ERC1: variants seen among roughly 807,000 people sequenced by gnomAD.
ERC1 encodes ELKS/RAB6-interacting/CAST family member 1.
A neutral mutation model predicts 132.0 loss-of-function variants in ERC1; 56 were observed. That is an observed-to-expected ratio of 0.42 (90% CI 0.34 to 0.53). ERC1 has a LOEUF of 0.53. Among genes scored for constraint, ERC1 ranks in the 20% least tolerant of loss-of-function variants. The probability of loss-of-function intolerance (pLI) is 0.03; values close to 1 mark genes in which losing one functional copy is unlikely to be tolerated. For synonymous variants in ERC1, 478 were observed against 476.1 expected, an observed-to-expected ratio of 1.00 and a Z score of -0.05; for missense variants, 1,202 against 1,349.9, an observed-to-expected ratio of 0.89 and a Z score of 1.72.
chr12:1,224,749 G>A (rs982446203), intron 12 of ERC1, among the ~76,000 whole-genome samples: 6 of 152,184 alleles, frequency 3.9e-5, no homozygotes, highest in Non-Finnish European at 7.3e-5. Context: ...GGGAGGCTGA[G>A]GCTGGAGGAT....
chr12:1,273,475 T>C (rs2078024664), intron 14 of ERC1, among the ~76,000 whole-genome samples: 1 of 152,210 alleles, frequency 6.6e-6, no homozygotes, highest in African/African-American at 2.4e-5. Context: ...CAAGTGCTTA[T>C]TGGCTTCTGA....
rs202137274 is a variant in ERC1 at position 1,376,492 on chromosome 12, C to T, written c.2925+4515C>T. On this transcript the variant is annotated intron_variant, in intron 16 of 18. Transcript: ENST00000360905. ...AGAGCAGTGACAATAATGGCCACCA[C>T]GTGCCACTTGACTGTCGTGCGCAGG... Among the ~76,000 whole-genome samples, 18 of 152,350 alleles carry T rather than the reference C, an allele frequency of 1.2e-4. No individual in the cohort carries two copies. In the East Asian group the frequency reaches 3.3e-3, roughly 28 times the overall value.
intron 1 of ERC1, among the ~76,000 whole-genome samples, chr12:1,010,008 CT>C (rs1285984591): frequency 6.6e-6 from 1 of 152,162 alleles, no homozygotes; most frequent in Non-Finnish European, 1.5e-5. Flanking sequence ...GCTTGAATCT[CT>C]TTGGATACTT....
intron 2 of ERC1, among the ~76,000 whole-genome samples, chr12:1,053,025 T>G (rs1972308349): frequency 6.6e-6 from 1 of 152,152 alleles, no homozygotes. Flanking sequence ...TCTGTTTGAA[T>G]AGTTTATTTG....
At chr12:1,463,697 C>CTGTGTGTGTG (rs57210462) in intron 18 of ERC1, among the ~76,000 whole-genome samples, 3,625 of 136,052 alleles carry the variant, frequency 0.027, 146 homozygotes, top group African/African-American at 0.082. Flanking sequence ...GGTGCTAAGA[C>CTGTGTGTGTG]TGTGTGTGTG....
intron 14 of ERC1, among the ~76,000 whole-genome samples, chr12:1,284,243 CT>C (rs1277373778): frequency 2.0e-5 from 3 of 147,160 alleles, no homozygotes; most frequent in African/African-American, 7.5e-5. Context: ...GGATTTCATT[CT>C]TTTTATGGCT....
chr12:1,029,351 GAAA>G (rs1251538511), intron 2 of ERC1, among the ~76,000 whole-genome samples: 6 of 151,382 alleles, frequency 4.0e-5, no homozygotes, highest in Admixed American at 2.6e-4. Flanking sequence ...TCTCAAAAAA[GAAA>G]AAAAAGTTAA....
At chr12:1,223,698 T>C (rs1252551603) in intron 12 of ERC1, among the ~76,000 whole-genome samples, 1 of 152,222 alleles carries the variant, frequency 6.6e-6, no homozygotes, top group Non-Finnish European at 1.5e-5. Context: ...AAATCTTTTA[T>C]TCATCATTTC....
chr12:1,233,805 T>C (rs2154301234), intron 12 of ERC1, among the ~76,000 whole-genome samples: 1 of 152,276 alleles, frequency 6.6e-6, no homozygotes, highest in South Asian at 2.1e-4. Flanking sequence ...TCTAGATTAG[T>C]AGGGATTTGA....
At chr12:1,096,989 T>A (rs1340886954) in intron 3 of ERC1, among the ~76,000 whole-genome samples, 1 of 152,240 alleles carries the variant, frequency 6.6e-6, no homozygotes, top group Non-Finnish European at 1.5e-5. Flanking sequence ...TATGTTAAAT[T>A]AATATCATTC....
intron 18 of ERC1, 98 bp from the exon 19 acceptor site, chr12:1,489,995 A>T (rs765991808): frequency 6.0e-6 from 8 of 1,330,508 alleles, no homozygotes; most frequent in Middle Eastern, 1.9e-4. Context: ...GAGACTTCAC[A>T]TACAGAGTGC....
chr12:1,347,384 TACA>T lies in ERC1; in HGVS notation c.2781-24445_2781-24443del, dbSNP rs1260441597. 5.3e-5 allele frequency among the ~76,000 whole-genome samples: 8 copies of T among 152,354 alleles called. No individual in the cohort carries two copies. The East Asian group carries it at 1.2e-3, about 22-fold the overall frequency. Reference sequence around the variant, plus strand: ...ATAAAAATTGTGTATGTCCATCATGTACAACATGATGTTTTGAAATATGTATAT... The same window carrying T: ...ATAAAAATTGTGTATGTCCATCATGTACATGATGTTTTGAAATATGTATAT... On this transcript the variant is annotated intron_variant, in intron 15 of 18. Coordinates refer to ENST00000360905, the MANE Select transcript of ERC1 (RefSeq NM_178040.4).
intron 7 of ERC1, among the ~76,000 whole-genome samples, chr12:1,128,495 G>A (rs10848442): frequency 0.44 from 66,974 of 151,944 alleles, 17,759 homozygotes; most frequent in East Asian, 0.78. Context: ...TCAGCCTCTC[G>A]TAGTGTTAGG....
intron 15 of ERC1, among the ~76,000 whole-genome samples, chr12:1,327,739 C>G (rs1012736221): frequency 2.8e-4 from 43 of 152,316 alleles, no homozygotes; most frequent in African/African-American, 8.2e-4. Context: ...TTACTCTAGC[C>G]CATATCTCTG....
intron 15 of ERC1, among the ~76,000 whole-genome samples, chr12:1,331,403 T>G (rs188644026): frequency 1.8e-3 from 267 of 152,366 alleles, no homozygotes; most frequent in African/African-American, 6.1e-3. Context: ...CTAGCAGTTA[T>G]CCATCTACTT....
At chr12:1,434,700 G>A (rs1338968316) in intron 17 of ERC1, among the ~76,000 whole-genome samples, 2 of 152,166 alleles carry the variant, frequency 1.3e-5, no homozygotes, top group Admixed American at 1.3e-4. Flanking sequence ...TCCAGAGATG[G>A]GTGTTACATA....
chr12:1,023,810 GAAAC>G (rs1162621033), intron 1 of ERC1, among the ~76,000 whole-genome samples: 3 of 152,134 alleles, frequency 2.0e-5, no homozygotes, highest in Non-Finnish European at 4.4e-5. Flanking sequence ...GAGTGCTTAA[GAAAC>G]AAGATGTATT....
intron 15 of ERC1, among the ~76,000 whole-genome samples, chr12:1,371,551 G>A (rs1467493205): frequency 1.4e-5 from 2 of 144,920 alleles, no homozygotes; most frequent in African/African-American, 2.7e-5. Flanking sequence ...TTGCTTTCTT[G>A]GTTTTATTAC....
intron 16 of ERC1, among the ~76,000 whole-genome samples, chr12:1,400,868 C>G (rs1369332511): frequency 1.5e-5 from 2 of 132,348 alleles, no homozygotes; most frequent in African/African-American, 2.8e-5. Context: ...AAGTATGAGT[C>G]TTCCTAACTT....
Sources: allele counts gnomAD v4.1 joint callset (sites outside exome capture counted in the v4.1 genomes callset), GRCh38; gene constraint gnomAD v4.1.1; transcripts MANE v1.5; gene names NCBI Gene and HGNC (gene_info 2026-07-23, HGNC 2026-07-21).